The following GUCY1A2 variants were observed in gnomAD, a reference collection of about 807,000 sequenced individuals.
The protein encoded by GUCY1A2 is guanylate cyclase 1 soluble subunit alpha 2.
Under a neutral mutation model 63.5 loss-of-function variants are expected in GUCY1A2, and 27 were observed. The ratio of observed to expected loss-of-function variants is 0.43; its 90% CI spans 0.31 to 0.59. The LOEUF (loss-of-function observed/expected upper bound fraction) is 0.59. Ranked by LOEUF, GUCY1A2 falls within the 20% of genes least tolerant of loss-of-function variation. The pLI, the probability that GUCY1A2 is intolerant of heterozygous loss-of-function variation, is 0.11. For synonymous variants in GUCY1A2, 364 were observed against 343.5 expected (o/e 1.06, Z -0.66); for missense variants, 768 against 913.3 (o/e 0.84, Z 2.05).
chr11:106,965,009 C>A (rs775831798), intron 3 of GUCY1A2, among the ~76,000 whole-genome samples: 4 of 151,708 alleles, frequency 2.6e-5, no homozygotes, highest in Non-Finnish European at 5.9e-5. Flanking sequence ...TTTTTTAATT[C>A]AGGGAGTTGG....
At chr11:106,832,506 T>C (rs1037895589) in intron 4 of GUCY1A2, among the ~76,000 whole-genome samples, 2 of 152,126 alleles carry the variant, frequency 1.3e-5, no homozygotes, top group Non-Finnish European at 2.9e-5. Flanking sequence ...GGTCTACGGC[T>C]CAGGAAACAG....
intron 3 of GUCY1A2, among the ~76,000 whole-genome samples, chr11:106,960,666 G>A (rs1175106983): frequency 6.6e-6 from 1 of 152,170 alleles, no homozygotes; most frequent in Non-Finnish European, 1.5e-5. Flanking sequence ...ATACGGACTG[G>A]ATACTGGTAA....
chr11:106,968,533 C>A (rs1417543646), intron 3 of GUCY1A2, among the ~76,000 whole-genome samples: 1 of 152,174 alleles, frequency 6.6e-6, no homozygotes, highest in Non-Finnish European at 1.5e-5. Context: ...ACTTCAGTAT[C>A]CTTGCTTATG....
chr11:106,700,291 G>A (rs1862796729), intron 7 of GUCY1A2, among the ~76,000 whole-genome samples: 1 of 152,016 alleles, frequency 6.6e-6, no homozygotes, highest in Non-Finnish European at 1.5e-5. Flanking sequence ...TAAATATATG[G>A]AATGACTGAA....
At chr11:106,807,997 C>G (rs900517216) in intron 5 of GUCY1A2, among the ~76,000 whole-genome samples, 1 of 152,126 alleles carries the variant, frequency 6.6e-6, no homozygotes, top group Non-Finnish European at 1.5e-5. Context: ...TTTTGGAACT[C>G]GGACTGGCTT....
chr11:106,973,093 A>G (rs1009805601), intron 3 of GUCY1A2, among the ~76,000 whole-genome samples: 1 of 152,118 alleles, frequency 6.6e-6, no homozygotes, highest in African/African-American at 2.4e-5. Flanking sequence ...AGAGCAGAAT[A>G]CAGAAGTTGT....
intron 7 of GUCY1A2, among the ~76,000 whole-genome samples, chr11:106,706,827 A>G (rs1862922284): frequency 6.6e-6 from 1 of 152,158 alleles, no homozygotes; most frequent in Non-Finnish European, 1.5e-5. Context: ...TAGAGCAGAA[A>G]GTATCAGAAT....
chr11:106,881,123 G>C (rs1859816928), intron 4 of GUCY1A2, among the ~76,000 whole-genome samples: 1 of 152,048 alleles, frequency 6.6e-6, no homozygotes, highest in African/African-American at 2.4e-5. Flanking sequence ...GGTTTGGATT[G>C]TGTTCAGACA....
At chr11:106,926,438 T>C (rs2119924977) in intron 4 of GUCY1A2, among the ~76,000 whole-genome samples, 1 of 143,240 alleles carries the variant, frequency 7.0e-6, no homozygotes, top group Non-Finnish European at 1.5e-5. Flanking sequence ...ACTCTATCTC[T>C]GTCTCAAAAA....
At position 106,781,085 on chromosome 11, in the gene GUCY1A2, A is replaced by G. The variant is rs191542114; in HGVS notation, c.1693-4503T>C. On this transcript the variant is annotated intron_variant, in intron 5 of 7. Transcript: ENST00000526355. Reference sequence around the variant, plus strand: ...TATTTCCTTGAGCTAAACCAAAATGAAACAAGTGGACATGGTAAACAGACT... The same window carrying G: ...TATTTCCTTGAGCTAAACCAAAATGGAACAAGTGGACATGGTAAACAGACT... 1.4e-4 allele frequency among the ~76,000 whole-genome samples: 21 copies of G among 151,272 alleles called. No individual in the cohort carries two copies. The East Asian group carries it at 3.9e-3, about 28-fold the overall frequency.
chr11:106,793,506 A>C (rs1864699470), intron 5 of GUCY1A2, among the ~76,000 whole-genome samples: 1 of 152,152 alleles, frequency 6.6e-6, no homozygotes, highest in Admixed American at 6.5e-5. Context: ...GTGGGATTAC[A>C]TCAGACTAAA....
At chr11:106,859,515 T>C (rs981345051) in intron 4 of GUCY1A2, among the ~76,000 whole-genome samples, 3 of 152,026 alleles carry the variant, frequency 2.0e-5, no homozygotes, top group African/African-American at 7.2e-5. Flanking sequence ...TTACTAAGCA[T>C]CTTTTATGCA....
At chr11:106,701,117 A>G (rs1862810137) in intron 7 of GUCY1A2, among the ~76,000 whole-genome samples, 1 of 152,126 alleles carries the variant, frequency 6.6e-6, no homozygotes, top group Non-Finnish European at 1.5e-5. Context: ...GCATTCCTCC[A>G]AATTGTTTAT....
At chr11:106,896,300 G>A (rs36042204) in intron 4 of GUCY1A2, among the ~76,000 whole-genome samples, 18,410 of 151,942 alleles carry the variant, frequency 0.12, 1,306 homozygotes, top group African/African-American at 0.19. Context: ...AACTAGTAAT[G>A]AAGGGGAACT....
chr11:106,852,243 T>C (rs1261139938), intron 4 of GUCY1A2, among the ~76,000 whole-genome samples: 1 of 152,028 alleles, frequency 6.6e-6, no homozygotes, highest in African/African-American at 2.4e-5. Context: ...ATATACAAGA[T>C]CATGTTGTTT....
chr11:106,855,079 T>C (rs941420270), intron 4 of GUCY1A2, among the ~76,000 whole-genome samples: 2 of 152,044 alleles, frequency 1.3e-5, no homozygotes, highest in Admixed American at 6.6e-5. Context: ...TAATGTAGTC[T>C]GGTGGGAGTT....
chr11:106,974,534 G>A (rs753096374), intron 3 of GUCY1A2, among the ~76,000 whole-genome samples: 3 of 151,990 alleles, frequency 2.0e-5, no homozygotes, highest in African/African-American at 7.2e-5. Flanking sequence ...AAAACAGAGA[G>A]TTCCATACCA....
At chr11:106,770,314 A>T (rs1331473771) in intron 6 of GUCY1A2, among the ~76,000 whole-genome samples, 1 of 152,136 alleles carries the variant, frequency 6.6e-6, no homozygotes, top group Admixed American at 6.5e-5. Flanking sequence ...TTATTTAGAG[A>T]ATGACAAGAA....
chr11:106,735,431 A>G (rs1008749462), intron 6 of GUCY1A2, among the ~76,000 whole-genome samples: 1 of 152,184 alleles, frequency 6.6e-6, no homozygotes, highest in Admixed American at 6.5e-5. Context: ...TTCACTTAGC[A>G]TAATGTCCTC....
Sources: allele counts gnomAD v4.1 joint callset (sites outside exome capture counted in the v4.1 genomes callset), GRCh38; gene constraint gnomAD v4.1.1; transcripts MANE v1.5; gene names NCBI Gene and HGNC (gene_info 2026-07-23, HGNC 2026-07-21).